Variants in ZNF106 observed in about 807,000 individuals in gnomAD.
ZNF106 encodes the protein SH3-domain binding protein 3.
ZNF106 carries 67 observed loss-of-function variants against 195.1 expected under a neutral mutation model. The observed-to-expected ratio is 0.34, with a 90% CI of 0.28 to 0.42. The LOEUF (loss-of-function observed/expected upper bound fraction) is 0.42. ZNF106 is among the 10% of genes least tolerant of loss of function. ZNF106 has a pLI of 1.00. For synonymous variants in ZNF106, 784 were observed against 818.6 expected, an observed-to-expected ratio of 0.96 and a Z score of 0.72; for missense variants, 2,118 against 2,304.5, an observed-to-expected ratio of 0.92 and a Z score of 1.66.
rs1038109356 is a variant in ZNF106 at position 42,419,691 on chromosome 15, C to T, written c.5517+1370G>A. 2.0e-5 allele frequency among the ~76,000 whole-genome samples: 3 copies of T among 152,212 alleles called. 1 individual carries two copies. The highest frequency in any genetic ancestry group is 4.4e-5 in the Non-Finnish European group (3 of 68,046). On this transcript the variant is annotated intron_variant, in intron 20 of 21. Transcript: ENST00000564754. ...TGCAGGCCGGGCACTGTGGCTCACG[C>T]CTGTCATCCCAGCACTTTGGGAGGC...
chr15:42,437,146 C>T, intron 13 of ZNF106, 86 bp downstream of exon 13: 5 of 1,442,356 alleles, frequency 3.5e-6, no homozygotes, highest in Admixed American at 2.1e-5. Context: ...AGACAGCCAA[C>T]AAATTCCCTT....
chr15:42,458,058 T>C (rs2056288746), intron 3 of ZNF106, among the ~76,000 whole-genome samples: 1 of 152,216 alleles, frequency 6.6e-6, no homozygotes, highest in African/African-American at 2.4e-5. Context: ...GTCAGCTGAC[T>C]ATGCAGTCAT....
At chr15:42,422,723 CAT>C in intron 17 of ZNF106, 103 bp from the exon 18 acceptor site, 1 of 1,182,236 alleles carries the variant, frequency 8.5e-7, no homozygotes, top group South Asian at 1.8e-5. Flanking sequence ...ATACTGTACA[CAT>C]ATAATTAATA....
At chr15:42,422,755 T>C in intron 17 of ZNF106, 135 bp from the exon 18 acceptor site, 1 of 876,968 alleles carries the variant, frequency 1.1e-6, no homozygotes, top group South Asian at 2.8e-5. Flanking sequence ...GTATTAACTG[T>C]ACAAATACAG....
At chr15:42,475,828 G>A (rs2056773718) in intron 1 of ZNF106, among the ~76,000 whole-genome samples, 5 of 152,058 alleles carry the variant, frequency 3.3e-5, no homozygotes, top group Admixed American at 3.3e-4. Context: ...AACCACCAAA[G>A]CAAAACAGGA....
In ZNF106 at chr15:42,448,594, A is replaced by T. The variant is rs1244106661; in HGVS notation, c.2613T>A (p.Ile871=). 4 of 1,614,048 alleles carry T rather than the reference A, an allele frequency of 2.5e-6. No individual in the cohort carries two copies. The highest frequency in any genetic ancestry group is 3.4e-6 in the Non-Finnish European group (4 of 1,180,038). The change falls in exon 6 of 22, where the codon ATT becomes ATA. Residue 871 remains isoleucine (I), a synonymous_variant. Transcript: ENST00000564754. ...LEGFQWEGVS[I]SSSPGLARKR... is the part of the protein sequence containing the mutation. ...TTCTTGCCAAGCCAGGGGACGAGGA[A>T]ATGGAAACACCTTCCCACTGGAATC...
At position 42,442,335 on chromosome 15, in the gene ZNF106, T is replaced by C. The variant is rs1441720143; in HGVS notation, c.3501A>G (p.Thr1167=). Residue 1167 remains threonine (T), a synonymous_variant, in exon 10 of 22, where the codon ACA becomes ACG. Coordinates refer to ENST00000564754, the MANE Select transcript of ZNF106 (RefSeq NM_001366845.3). ...TGGGCAGCAGTGCGGCATCAATGGA[T>C]GTTTGAGATCTACTGTTCCTTCGTT... ...TRERRNSRSQ[T]SIDAALLPTP... 3.7e-6 allele frequency: 6 copies of C among 1,614,042 alleles called. No homozygotes were observed. Among genetic ancestry groups the C allele is most frequent in the Non-Finnish European group, 5.1e-6 (6 of 1,180,036 alleles).
At chr15:42,418,785 T>G (rs1414021042) in intron 20 of ZNF106, among the ~76,000 whole-genome samples, 1 of 152,120 alleles carries the variant, frequency 6.6e-6, no homozygotes, top group Non-Finnish European at 1.5e-5. Flanking sequence ...TGTAGAATAC[T>G]GTGTTTGCCA....
chr15:42,482,164 G>A (rs1307900907), intron 1 of ZNF106, among the ~76,000 whole-genome samples: 2 of 151,908 alleles, frequency 1.3e-5, no homozygotes, highest in African/African-American at 4.8e-5. Flanking sequence ...AGTTATCTTA[G>A]TTTCACACTC....
rs1187409320 is a variant in ZNF106 at position 42,440,997 on chromosome 15, AAATATATATATATATAT to A, written c.3763+1059_3763+1075del. ...GAAACTCTGTCTAAAAAAAAAAAAA[AAATATATATATATATAT>A]ATATATATATATATATATATATATA... On this transcript the variant is annotated intron_variant, in intron 10 of 21. Coordinates refer to ENST00000564754, the MANE Select transcript of ZNF106 (RefSeq NM_001366845.3). 2.1e-4 allele frequency among the ~76,000 whole-genome samples: 11 copies of A among 51,638 alleles called. 1 individual carries two copies. The highest frequency in any genetic ancestry group is 6.4e-4 in the South Asian group (1 of 1,562). The allele number at this position is 51,638 out of a possible 152,430, so 33.9% of individuals were successfully genotyped here.
At chr15:42,473,218 A>T (rs1469383337) in intron 1 of ZNF106, among the ~76,000 whole-genome samples, 2 of 152,114 alleles carry the variant, frequency 1.3e-5, no homozygotes, top group Non-Finnish European at 2.9e-5. Context: ...ATATTCCAAG[A>T]TCCGAAAAAA....
chr15:42,457,430 T>C, intron 3 of ZNF106: 1 of 1,330,680 alleles, frequency 7.5e-7, no homozygotes, highest in Non-Finnish European at 9.6e-7. Context: ...ATTGCTGTAC[T>C]TAAAATCTTG....
intron 4 of ZNF106, among the ~76,000 whole-genome samples, chr15:42,452,209 T>C (rs566869935): frequency 1.3e-5 from 2 of 152,212 alleles, no homozygotes; most frequent in Non-Finnish European, 2.9e-5. Flanking sequence ...ATCTCCCCCA[T>C]CACTCAGAAA....
In ZNF106 at chr15:42,448,650, C is replaced by G; in HGVS notation, c.2557G>C (p.Asp853His). The G allele has an allele frequency of 1.2e-6, 2 of 1,613,036 alleles. No homozygotes were observed. The highest frequency in any genetic ancestry group is 1.7e-6 in the Non-Finnish European group (2 of 1,179,968). The part of the protein sequence containing the change: ...VQNEQEALDL[D>H]GEPDLSSLEG... ...AGACTGGACAGATCAGGTTCCCCAT[C>G]CAAATCTAAGGCTTCTTGTTCATTT... Residue 853 changes from aspartate (D) to histidine (H), a missense_variant, in exon 6 of 22, where the codon GAT (aspartate) becomes CAT (histidine). Coordinates refer to ENST00000564754, the MANE Select transcript of ZNF106 (RefSeq NM_001366845.3).
chr15:42,463,922 A>G (rs1211072294), intron 3 of ZNF106, among the ~76,000 whole-genome samples: 2 of 152,250 alleles, frequency 1.3e-5, no homozygotes, highest in African/African-American at 4.8e-5. Context: ...GGGCAGGGAA[A>G]AATTCCACTA....
intron 14 of ZNF106, among the ~76,000 whole-genome samples, chr15:42,432,001 A>G (rs1265823552): frequency 2.0e-5 from 3 of 152,220 alleles, no homozygotes; most frequent in Non-Finnish European, 4.4e-5. Context: ...GTCCCCAACT[A>G]TAACTGTGAA....
At position 42,416,912 on chromosome 15, in the gene ZNF106, TTTAAACCA is replaced by T. The variant is rs533794782; in HGVS notation, c.*384_*391del. The T allele has an allele frequency of 0.02, 3,100 of 158,772 alleles. 112 individuals carry two copies. The highest frequency in any genetic ancestry group is 0.071 in the African/African-American group (2,948 of 41,716). The allele number at this position is 158,772 out of a possible 1,614,324, so 9.8% of individuals were successfully genotyped here. On this transcript the variant is annotated 3_prime_UTR_variant, in exon 22 of 22. Coordinates refer to ENST00000564754, the MANE Select transcript of ZNF106 (RefSeq NM_001366845.3). ...TTGTACTTAAAAGCCTGACTATAGG[TTTAAACCA>T]TCATAAGAACATAAATTAAAAATTG...
intron 10 of ZNF106, among the ~76,000 whole-genome samples, 155 bp from the exon 11 acceptor site, chr15:42,439,968 A>T (rs2055439761): frequency 6.6e-6 from 1 of 151,856 alleles, no homozygotes; most frequent in Non-Finnish European, 1.5e-5. Context: ...ACCTACATAC[A>T]CTCCTATGAC....
intron 3 of ZNF106, among the ~76,000 whole-genome samples, chr15:42,457,838 T>C (rs1202196822): frequency 2.0e-5 from 3 of 152,230 alleles, no homozygotes; most frequent in Non-Finnish European, 4.4e-5. Context: ...TTTTCTCAAG[T>C]TTCAGAAAAT....
Sources: gnomAD v4.1 joint callset for allele counts (sites outside exome capture counted in the v4.1 genomes callset) on GRCh38, gnomAD v4.1.1 for gene constraint, MANE v1.5 for transcripts, NCBI Gene and HGNC (gene_info 2026-07-23, HGNC 2026-07-21) for gene names.